Variants in MARCHF5 observed in about 807,000 individuals in gnomAD.
MARCHF5 encodes the protein membrane associated ring-CH-type finger 5.
In MARCHF5, 5 loss-of-function variants were observed where a neutral mutation model predicts 36.5. That is an observed-to-expected ratio of 0.14 (90% CI 0.07 to 0.29). The LOEUF is 0.29. MARCHF5 is among the 10% of genes least tolerant of loss of function. MARCHF5 has a pLI of 1.00. For missense variants in MARCHF5, 179 were observed against 336.3 expected (o/e 0.53, Z 3.66); for synonymous variants, 103 against 109.9 (o/e 0.94, Z 0.39).
At position 92,352,922 on chromosome 10, in the gene MARCHF5, C is replaced by T. The variant is rs1843735360; in HGVS notation, c.*1715C>T. ...TATAAAATATATTGGCTTTTGTTTTCAATGTGAAAGATACATTAAATGGAC... is the reference window on the plus strand; with the variant it reads ...TATAAAATATATTGGCTTTTGTTTTTAATGTGAAAGATACATTAAATGGAC... On this transcript the variant is annotated 3_prime_UTR_variant, in exon 6 of 6. Transcript: ENST00000358935. The T allele has an allele frequency of 6.6e-6, 1 of 152,496 alleles. No individual in the cohort carries two copies. Among genetic ancestry groups the T allele is most frequent in the East Asian group, 1.9e-4 (1 of 5,192 alleles). The allele number at this position is 152,496 out of a possible 1,614,324, so 9.4% of individuals were successfully genotyped here. A position where few individuals can be genotyped will look rare whatever the true frequency, so the allele number is the denominator to read the frequency against.
At chr10:92,301,334 TG>T (rs1247709531) in intron 1 of MARCHF5, among the ~76,000 whole-genome samples, 1 of 152,256 alleles carries the variant, frequency 6.6e-6, no homozygotes, top group East Asian at 1.9e-4. Context: ...ACGTATTTTT[TG>T]TACTGCTGTA....
In MARCHF5 at chr10:92,291,508, C is replaced by G. The variant is rs1842862573; in HGVS notation, c.14C>G (p.Ala5Gly). MPDQ[A>G]LQQMLDRSCW... is the part of the protein sequence containing the mutation. ...GCTCCGCGGAAGATGCCGGACCAAG[C>G]CCTACAGCAGATGCTGGACAGGTAC... The change falls in exon 1 of 6, where the codon GCC becomes GGC. Residue 5 changes from alanine (A) to glycine (G), a missense_variant. Around this residue, in one of 3 missense-constraint regions of MARCHF5, gnomAD observed 18 missense variants for 16.3 expected, o/e 1.11. Transcript: ENST00000358935. The G allele has an allele frequency of 1.9e-6, 3 of 1,547,798 alleles. No individual in the cohort carries two copies. The African/African-American group carries it at 4.1e-5, about 21-fold the overall frequency.
chr10:92,299,666 C>G (rs763089915), intron 1 of MARCHF5, among the ~76,000 whole-genome samples: 10 of 152,146 alleles, frequency 6.6e-5, no homozygotes, highest in Non-Finnish European at 1.3e-4. Context: ...CTCAGAGCTT[C>G]CCACACACAC....
chr10:92,307,275 CTT>C, intron 1 of MARCHF5, among the ~76,000 whole-genome samples: 1 of 151,954 alleles, frequency 6.6e-6, no homozygotes, highest in South Asian at 2.1e-4. Flanking sequence ...TAGTCACACT[CTT>C]ATATGCTGAT....
chr10:92,339,736 G>T (rs988646778), intron 2 of MARCHF5, among the ~76,000 whole-genome samples: 3 of 152,012 alleles, frequency 2.0e-5, no homozygotes, highest in Non-Finnish European at 4.4e-5. Flanking sequence ...TTAAATCAGG[G>T]CTGAGACCCT....
chr10:92,316,677 C>T (rs558841361), intron 2 of MARCHF5, among the ~76,000 whole-genome samples: 2 of 152,282 alleles, frequency 1.3e-5, no homozygotes, highest in African/African-American at 4.8e-5. Context: ...GTCTTCTTGC[C>T]TCAGCCTTCC....
chr10:92,318,808 G>A (rs997438656), intron 2 of MARCHF5, among the ~76,000 whole-genome samples: 47 of 151,840 alleles, frequency 3.1e-4, no homozygotes, highest in African/African-American at 1.1e-3. Context: ...GTTGGTACAC[G>A]TGATTCTCCT....
rs767250953 is a variant in MARCHF5 at position 92,311,291 on chromosome 10, A to G, written c.192A>G (p.Ala64=). The G allele has an allele frequency of 3.0e-5, 48 of 1,610,762 alleles. No individual in the cohort carries two copies. The highest frequency in any genetic ancestry group is 3.6e-5 in the Non-Finnish European group (42 of 1,178,136). The part of the protein sequence containing the change: ...KQRGNSTARV[A]CPQCNAEYLI... ...GAGGAAACAGTACAGCCAGAGTGGC[A>G]TGTCCTCAGTGCAATGCTGAATACC... is the stretch of plus-strand genomic sequence containing the variant. The change falls in exon 2 of 6, where the codon GCA becomes GCG. Residue 64 remains alanine, a synonymous_variant. Transcript: ENST00000358935.
intron 1 of MARCHF5, among the ~76,000 whole-genome samples, chr10:92,297,703 G>C (rs1323591463): frequency 6.6e-6 from 1 of 151,172 alleles, no homozygotes; most frequent in Non-Finnish European, 1.5e-5. Context: ...GTGTTGGCCA[G>C]ACTGGTTCAA....
intron 1 of MARCHF5, 80 bp downstream of exon 1, chr10:92,291,609 T>A (rs981928096): frequency 9.7e-6 from 14 of 1,442,528 alleles, no homozygotes; most frequent in African/African-American, 3.0e-5. Flanking sequence ...AGGCTCTTGG[T>A]GAGCAGAACC....
chr10:92,349,979 T>C lies in MARCHF5; in HGVS notation c.720+142T>C, dbSNP rs941252124. 10 of 644,916 alleles carry C rather than the reference T, an allele frequency of 1.6e-5. No individual in the cohort carries two copies. The South Asian group carries it at 2.0e-4, about 13-fold the overall frequency. 39.9% of individuals were successfully genotyped at this position (644,916 alleles called of 1,614,324 possible). ...CTATTTGAGCCTCACTATCATTCAATAGCTTGAGTGGAAATAAAAAGAGGA... is the reference window on the plus strand; with the variant it reads ...CTATTTGAGCCTCACTATCATTCAACAGCTTGAGTGGAAATAAAAAGAGGA... On this transcript the variant is annotated intron_variant, in intron 5 of 5. Coordinates refer to ENST00000358935, the MANE Select transcript of MARCHF5 (RefSeq NM_017824.5).
At chr10:92,299,067 C>G (rs2254667) in intron 1 of MARCHF5, among the ~76,000 whole-genome samples, 48,814 of 151,848 alleles carry the variant, frequency 0.32, 9,714 homozygotes, top group South Asian at 0.57. Flanking sequence ...TCCACCAATC[C>G]TACCTTGGCC....
intron 1 of MARCHF5, among the ~76,000 whole-genome samples, chr10:92,307,911 C>G (rs1843095432): frequency 6.6e-6 from 1 of 151,116 alleles, no homozygotes; most frequent in Admixed American, 6.6e-5. Context: ...TGATGATATG[C>G]TAAACAAGGA....
At chr10:92,323,836 G>A (rs1278745653) in intron 2 of MARCHF5, among the ~76,000 whole-genome samples, 1 of 152,086 alleles carries the variant, frequency 6.6e-6, no homozygotes, top group Non-Finnish European at 1.5e-5. Flanking sequence ...TTCAAGTTTT[G>A]GCTATTATGA....
At chr10:92,330,739 G>A (rs1843426439) in intron 2 of MARCHF5, among the ~76,000 whole-genome samples, 2 of 152,134 alleles carry the variant, frequency 1.3e-5, no homozygotes, top group Admixed American at 6.5e-5. Flanking sequence ...TCGTTACTAC[G>A]TAACATTAAG....
intron 2 of MARCHF5, among the ~76,000 whole-genome samples, chr10:92,320,118 A>G (rs557602245): frequency 1.1e-4 from 16 of 151,616 alleles, no homozygotes; most frequent in Admixed American, 2.6e-4. Flanking sequence ...CAGTGTCATG[A>G]TCATAGCTCA....
At position 92,340,821 on chromosome 10, in the gene MARCHF5, T is replaced by C; in HGVS notation, c.369+18T>C. 6.4e-7 allele frequency: 1 copy of C among 1,570,548 alleles called. No homozygotes were observed. On this transcript the variant is annotated intron_variant, in intron 3 of 5. Transcript: ENST00000358935. ...TGATGCAGGTTCACTATTTTACCTA[T>C]ATAGTGATATTACTTGGTGTGAAGA...
intron 1 of MARCHF5, among the ~76,000 whole-genome samples, chr10:92,295,402 TA>T (rs1447025023): frequency 3.8e-4 from 54 of 143,732 alleles, no homozygotes; most frequent in Non-Finnish European, 5.5e-4. Flanking sequence ...TTTATTTATT[TA>T]TTTATTTTTT....
intron 3 of MARCHF5, among the ~76,000 whole-genome samples, chr10:92,343,927 AG>A (rs1329995940): frequency 1.3e-5 from 2 of 152,196 alleles, no homozygotes; most frequent in African/African-American, 4.8e-5. Flanking sequence ...TCACCTGAGG[AG>A]GGAGGATCAG....
Sources: allele counts gnomAD v4.1 joint callset (sites outside exome capture counted in the v4.1 genomes callset), GRCh38; gene constraint gnomAD v4.1.1; regional missense constraint gnomAD v4.1.1; transcripts MANE v1.5; gene names NCBI Gene and HGNC (gene_info 2026-07-23, HGNC 2026-07-21).